LRP1B: variants seen among roughly 807,000 people sequenced by gnomAD.
The protein encoded by LRP1B is low-density lipoprotein receptor-related protein 1B.
A neutral mutation model predicts 556.6 loss-of-function variants in LRP1B; 217 were observed. The ratio of observed to expected loss-of-function variants is 0.39; its 90% CI spans 0.35 to 0.44. The LOEUF is 0.44. LRP1B is among the 20% of genes least tolerant of loss of function. The probability of loss-of-function intolerance (pLI) is 1.00; values close to 1 mark genes in which losing one functional copy is unlikely to be tolerated. For synonymous variants in LRP1B, 2,047 were observed against 1,865.8 expected (o/e 1.10, Z -2.50); for missense variants, 5,053 against 5,620.8 (o/e 0.90, Z 3.23).
chr2:142,009,841 G>C (rs67834034), intron 1 of LRP1B, among the ~76,000 whole-genome samples: 8,589 of 151,790 alleles, frequency 0.057, 258 homozygotes, highest in African/African-American at 0.072. Flanking sequence ...GGATATATAT[G>C]TATACATGTG....
At chr2:140,831,342 A>G (rs1691709109) in intron 31 of LRP1B, among the ~76,000 whole-genome samples, 1 of 152,202 alleles carries the variant, frequency 6.6e-6, no homozygotes, top group African/African-American at 2.4e-5. Context: ...ACAGTGGAAC[A>G]CGCTAGAGAA....
At chr2:141,262,276 AGT>A (rs58446704) in intron 3 of LRP1B, among the ~76,000 whole-genome samples, 40,879 of 149,788 alleles carry the variant, frequency 0.27, 5,610 homozygotes, top group African/African-American at 0.33. Flanking sequence ...AGCGAGACGG[AGT>A]GTGTGTGTGT....
intron 1 of LRP1B, among the ~76,000 whole-genome samples, chr2:141,928,720 C>T (rs1415831382): frequency 1.3e-5 from 2 of 152,062 alleles, no homozygotes; most frequent in Non-Finnish European, 2.9e-5. Context: ...CTTTCAGGCT[C>T]ATATGGCAGA....
At chr2:140,683,654 G>T (rs1345526821) in intron 41 of LRP1B, 3 of 693,568 alleles carry the variant, frequency 4.3e-6, no homozygotes, top group Non-Finnish European at 8.1e-6. Context: ...CGAGTCCTCC[G>T]CATTTACAGC....
rs562443036 is a variant in LRP1B, at chr2:141,517,543, G to A, written c.206-37010C>T. On this transcript the variant is annotated intron_variant, in intron 2 of 90. Coordinates refer to ENST00000389484, the MANE Select transcript of LRP1B (RefSeq NM_018557.3). Reference sequence around the variant, plus strand: ...GATTATAGAAGATCTTTGATTAACAGGAATCCCATCTTCTGAAAACCTCAA... The same window carrying A: ...GATTATAGAAGATCTTTGATTAACAAGAATCCCATCTTCTGAAAACCTCAA... 2.6e-5 allele frequency among the ~76,000 whole-genome samples: 4 copies of A among 152,176 alleles called. No homozygotes were observed. The South Asian group carries it at 8.3e-4, about 32-fold the overall frequency.
chr2:140,594,904 T>A (rs971103596), intron 43 of LRP1B, among the ~76,000 whole-genome samples: 6 of 151,768 alleles, frequency 4.0e-5, no homozygotes, highest in Non-Finnish European at 7.4e-5. Flanking sequence ...CTATTTTAAG[T>A]CTTTTATAGA....
intron 1 of LRP1B, among the ~76,000 whole-genome samples, chr2:142,032,288 T>C (rs1018630968): frequency 6.6e-6 from 1 of 151,794 alleles, no homozygotes; most frequent in African/African-American, 2.4e-5. Flanking sequence ...CTCTATCCCA[T>C]GCAAACCTGT....
chr2:141,358,806 C>A (rs72979049), intron 3 of LRP1B, among the ~76,000 whole-genome samples: 6,437 of 151,964 alleles, frequency 0.042, 217 homozygotes, highest in African/African-American at 0.082. Context: ...CAAAATAATA[C>A]GACATAATTG....
chr2:141,736,569 G>A (rs1693474716), intron 2 of LRP1B, among the ~76,000 whole-genome samples: 4 of 152,108 alleles, frequency 2.6e-5, no homozygotes, highest in Admixed American at 2.6e-4. Context: ...TGTGCTTGGG[G>A]CTACCAGAAC....
chr2:141,199,245 C>A (rs1239030712), intron 6 of LRP1B, among the ~76,000 whole-genome samples: 3 of 152,148 alleles, frequency 2.0e-5, no homozygotes, highest in Non-Finnish European at 4.4e-5. Flanking sequence ...TCTCAGCTTA[C>A]TAGACTTTAG....
chr2:141,798,455 C>A (rs1695893662), intron 2 of LRP1B, among the ~76,000 whole-genome samples: 3 of 151,968 alleles, frequency 2.0e-5, no homozygotes, highest in Admixed American at 2.0e-4. Flanking sequence ...CGCCTATAAT[C>A]CCAGCACTTC....
At chr2:141,192,382 T>C (rs1255207313) in intron 6 of LRP1B, among the ~76,000 whole-genome samples, 4 of 151,898 alleles carry the variant, frequency 2.6e-5, no homozygotes, top group Non-Finnish European at 5.9e-5. Flanking sequence ...ATTTGAACAT[T>C]TTTAGGAGCG....
chr2:141,219,062 T>G (rs1409481084), intron 6 of LRP1B, among the ~76,000 whole-genome samples: 1 of 152,200 alleles, frequency 6.6e-6, no homozygotes, highest in African/African-American at 2.4e-5. Flanking sequence ...CATTCTTTCT[T>G]CAGATCTGTA....
At chr2:141,253,587 A>G (rs765409577) in intron 4 of LRP1B, among the ~76,000 whole-genome samples, 7 of 152,130 alleles carry the variant, frequency 4.6e-5, no homozygotes, top group East Asian at 1.9e-4. Flanking sequence ...TCAATGAACT[A>G]TCAGGATCTC....
chr2:141,139,934 T>G (rs1267328349), intron 7 of LRP1B, among the ~76,000 whole-genome samples: 1 of 151,744 alleles, frequency 6.6e-6, no homozygotes, highest in African/African-American at 2.4e-5. Flanking sequence ...GAAAAAAACT[T>G]GAAGCTAAAT....
intron 1 of LRP1B, among the ~76,000 whole-genome samples, chr2:141,909,523 G>GAT (rs1558954575): frequency 8.5e-6 from 1 of 117,210 alleles, no homozygotes; most frequent in Admixed American, 1.0e-4. Context: ...TAAGGTCTCA[G>GAT]ACATTTTTTT....
intron 7 of LRP1B, among the ~76,000 whole-genome samples, chr2:141,079,768 G>A (rs949638316): frequency 5.9e-5 from 9 of 152,156 alleles, no homozygotes; most frequent in Non-Finnish European, 1.0e-4. Flanking sequence ...TAAAAACTTC[G>A]TCAAAGATGA....
intron 2 of LRP1B, among the ~76,000 whole-genome samples, chr2:141,698,379 G>T (rs1487132455): frequency 6.6e-6 from 1 of 151,538 alleles, no homozygotes; most frequent in African/African-American, 2.4e-5. Context: ...ACAGCAGGTT[G>T]GCCTAATGGA....
chr2:141,004,623 A>C (rs368930812), intron 15 of LRP1B, among the ~76,000 whole-genome samples: 1 of 151,990 alleles, frequency 6.6e-6, no homozygotes, highest in Non-Finnish European at 1.5e-5. Context: ...TCTTCTCTCT[A>C]TGTATTATAT....
Sources: gnomAD v4.1 joint callset for allele counts (sites outside exome capture counted in the v4.1 genomes callset) on GRCh38, gnomAD v4.1.1 for gene constraint, MANE v1.5 for transcripts, NCBI Gene and HGNC (gene_info 2026-07-23, HGNC 2026-07-21) for gene names.